The following FNDC5 variants were observed in gnomAD, a reference collection of about 807,000 sequenced individuals.
FNDC5 encodes the protein fibronectin type III domain-containing protein 5.
A neutral mutation model predicts 24.6 loss-of-function variants in FNDC5; 10 were observed. That is an observed-to-expected ratio of 0.41 (90% CI 0.25 to 0.69). The LOEUF (loss-of-function observed/expected upper bound fraction) is 0.69, where lower values mean the gene tolerates loss of function less well. FNDC5 is among the 30% of genes least tolerant of loss of function. The probability of loss-of-function intolerance (pLI) is 0.34; values close to 1 mark genes in which losing one functional copy is unlikely to be tolerated. For synonymous variants in FNDC5, 90 were observed against 110.7 expected, an observed-to-expected ratio of 0.81 and a Z score of 1.18; for missense variants, 226 against 282.9, an observed-to-expected ratio of 0.80 and a Z score of 1.44.
At position 32,863,742 on chromosome 1, in the gene FNDC5, G is replaced by A. The variant is rs936307372; in HGVS notation, c.*552C>T. Reference sequence around the variant, plus strand: ...CTTCTCCCTGCAGACAGGCAGTCACGCTTCAATGATGTTCACTGAGGGCTT... The same window carrying A: ...CTTCTCCCTGCAGACAGGCAGTCACACTTCAATGATGTTCACTGAGGGCTT... On this transcript the variant is annotated 3_prime_UTR_variant, in exon 6 of 6. Transcript: ENST00000373471. 3.9e-5 allele frequency: 51 copies of A among 1,304,396 alleles called. No homozygotes were observed. Among genetic ancestry groups the A allele is most frequent in the Non-Finnish European group, 4.1e-5 (41 of 989,018 alleles). 80.8% of individuals were successfully genotyped at this position (1,304,396 alleles called of 1,614,324 possible). A position where few individuals can be genotyped will look rare whatever the true frequency, so the allele number is the denominator to read the frequency against.
At chr1:32,869,436 G>A (rs1338429696) in intron 1 of FNDC5, among the ~76,000 whole-genome samples, 2 of 152,266 alleles carry the variant, frequency 1.3e-5, no homozygotes, top group Non-Finnish European at 2.9e-5. Context: ...GAGTGACCTT[G>A]CGCGAAGGAG....
chr1:32,870,684 C>T lies in FNDC5; in HGVS notation c.63G>A (p.Leu21=). 4.1e-6 allele frequency: 5 copies of T among 1,205,794 alleles called. No individual in the cohort carries two copies. The highest frequency in any genetic ancestry group is 5.1e-6 in the Non-Finnish European group (5 of 971,218). 74.7% of individuals were successfully genotyped at this position (1,205,794 alleles called of 1,614,324 possible). ...GCACCAGCGCGAAGCAGACGCAGCC[C>T]AGCCACAGGCGGAGCGCGGCGCGGG... Residue 21 remains leucine, a synonymous_variant, in exon 1 of 6, where the codon CTG becomes CTA. Transcript: ENST00000373471.
In FNDC5 at chr1:32,867,765, A is replaced by G; in HGVS notation, c.487T>C (p.Phe163Leu). Residue 163 changes from phenylalanine (F) to leucine (L), a missense_variant, in exon 4 of 6, where the codon TTC becomes CTC. Transcript: ENST00000373471. Reference sequence around the variant, plus strand: ...AGGCCAGACTCACCTGCCCACATGAACAGGACCACGACGATGATCAGCACC... The same window carrying G: ...AGGCCAGACTCACCTGCCCACATGAGCAGGACCACGACGATGATCAGCACC... 6.2e-7 allele frequency: 1 copy of G among 1,613,898 alleles called. No homozygotes were observed. The highest frequency in any genetic ancestry group is 2.2e-5 in the East Asian group (1 of 44,868).
rs1008495904 is a variant in FNDC5 at position 32,868,609 on chromosome 1, A to C, written c.211-221T>G. Among the ~76,000 whole-genome samples the C allele has an allele frequency of 6.6e-6, 1 of 152,158 alleles. No homozygotes were observed. Among genetic ancestry groups the C allele is most frequent in the African/African-American group, 2.4e-5 (1 of 41,440 alleles). On this transcript the variant is annotated intron_variant, in intron 2 of 5. Coordinates refer to ENST00000373471, the MANE Select transcript of FNDC5 (RefSeq NM_153756.3). This position sits in a 1 kb window ranked among gnomAD's most constrained non-coding sequence, Gnocchi z 4.8. ...AGCACTGGAGCTAGGTCCTAAATGC[A>C]GATGTCTCTGAGATCAAAACCTTAA...
At position 32,870,698 on chromosome 1, in the gene FNDC5, G is replaced by A; in HGVS notation, c.49C>T (p.Leu17Phe). 8.3e-7 allele frequency: 1 copy of A among 1,199,580 alleles called. No individual in the cohort carries two copies. Among genetic ancestry groups the A allele is most frequent in the Non-Finnish European group, 1.0e-6 (1 of 967,384 alleles). The allele number at this position is 1,199,580 out of a possible 1,614,324, so 74.3% of individuals were successfully genotyped here. A position where few individuals can be genotyped will look rare whatever the true frequency, so the allele number is the denominator to read the frequency against. The change falls in exon 1 of 6, where the codon CTC becomes TTC. Residue 17 changes from leucine to phenylalanine, a missense_variant. Transcript: ENST00000373471. The stretch of plus-strand genomic sequence containing the variant: ...CAGACGCAGCCCAGCCACAGGCGGA[G>A]CGCGGCGCGGGCGCGGGGCGGCCAG...
At chr1:32,867,447 G>A (rs1641091742) in intron 4 of FNDC5, among the ~76,000 whole-genome samples, 1 of 152,192 alleles carries the variant, frequency 6.6e-6, no homozygotes, top group East Asian at 1.9e-4. Context: ...CTGTGGCCAT[G>A]ACCAGAGGTA....
Position 32,867,784 on chromosome 1 carries a change from C to G in FNDC5, c.468G>C (p.Leu156=), listed in dbSNP as rs766452920. Residue 156 remains leucine (L), a synonymous_variant, in exon 4 of 6, where the codon CTG becomes CTC. Coordinates refer to ENST00000373471, the MANE Select transcript of FNDC5 (RefSeq NM_153756.3). Reference sequence around the variant, plus strand: ...ACATGAACAGGACCACGACGATGATCAGCACCTCGCCTGTCCGCAGCTGTT... The same window carrying G: ...ACATGAACAGGACCACGACGATGATGAGCACCTCGCCTGTCCGCAGCTGTT... 8.1e-6 allele frequency: 13 copies of G among 1,614,094 alleles called. No individual in the cohort carries two copies. The highest frequency in any genetic ancestry group is 1.1e-5 in the Non-Finnish European group (13 of 1,180,016).
chr1:32,870,515 G>A, intron 1 of FNDC5, 138 bp downstream of exon 1: 1 of 378,768 alleles, frequency 2.6e-6, no homozygotes, highest in Non-Finnish European at 4.2e-6. Flanking sequence ...GGAAGACGCT[G>A]GGGGCTGGGT....
chr1:32,870,536 G>T, intron 1 of FNDC5, 117 bp downstream of exon 1: 1 of 500,306 alleles, frequency 2.0e-6, no homozygotes, highest in Non-Finnish European at 2.8e-6. Context: ...TAGGGGAGCA[G>T]TGTTTGGGCC....
intron 4 of FNDC5, 54 bp from the exon 5 acceptor site, chr1:32,864,851 C>T (rs900653780): frequency 2.5e-6 from 4 of 1,602,944 alleles, no homozygotes; most frequent in African/African-American, 2.7e-5. Flanking sequence ...CCTGCCTCCC[C>T]TGCTTCTTTC....
In FNDC5 at chr1:32,863,378, CT is replaced by C; in HGVS notation, c.*915del. On this transcript the variant is annotated 3_prime_UTR_variant, in exon 6 of 6. Transcript: ENST00000373471. ...CAGCCCCACAGCTTCTCTGATGTTC[CT>C]TGGTCTGAAAGACACAGCTTGAGTC... The C allele has an allele frequency of 5.0e-6, 1 of 198,774 alleles. No individual in the cohort carries two copies. Among genetic ancestry groups the C allele is most frequent in the South Asian group, 9.8e-5 (1 of 10,210 alleles). The allele number at this position is 198,774 out of a possible 1,614,324, so 12.3% of individuals were successfully genotyped here.
At chr1:32,864,572 T>C in intron 5 of FNDC5, 92 bp downstream of exon 5, 1 of 1,589,602 alleles carries the variant, frequency 6.3e-7, no homozygotes, top group Non-Finnish European at 8.6e-7. Flanking sequence ...GCTGTCGCCA[T>C]GCCAGTCCCC....
Position 32,864,200 on chromosome 1 carries a change from G to A in FNDC5, c.*94C>T, listed in dbSNP as rs1641024152. On this transcript the variant is annotated 3_prime_UTR_variant, in exon 6 of 6. Coordinates refer to ENST00000373471, the MANE Select transcript of FNDC5 (RefSeq NM_153756.3). ...GGAAGAGATGTAGAGAGGGCCAGAT[G>A]TTTGTTGGATAATCATCATCAGAAC... 6.2e-7 allele frequency: 1 copy of A among 1,612,778 alleles called. No homozygotes were observed. Among genetic ancestry groups the A allele is most frequent in the South Asian group, 1.1e-5 (1 of 90,888 alleles).
chr1:32,870,599 T>C, intron 1 of FNDC5, 54 bp downstream of exon 1: 1 of 1,096,420 alleles, frequency 9.1e-7, no homozygotes, highest in Non-Finnish European at 1.1e-6. Flanking sequence ...CCCAGGTAGC[T>C]GGGCTCGAGA....
At chr1:32,869,342 A>T (rs1367494274) in intron 1 of FNDC5, among the ~76,000 whole-genome samples, 1 of 152,226 alleles carries the variant, frequency 6.6e-6, no homozygotes, top group Non-Finnish European at 1.5e-5. Flanking sequence ...ACATAGGTGG[A>T]CAGAAACTGA....
chr1:32,867,298 G>A (rs778500221), intron 4 of FNDC5, among the ~76,000 whole-genome samples: 4 of 152,086 alleles, frequency 2.6e-5, no homozygotes, highest in Non-Finnish European at 4.4e-5. Context: ...GAGTTTTCAC[G>A]GTGGCTGTCT....
chr1:32,862,340 C>G lies in FNDC5; in HGVS notation c.*1954G>C, dbSNP rs955192326. 2 of 152,646 alleles carry G rather than the reference C, an allele frequency of 1.3e-5. No homozygotes were observed. Among genetic ancestry groups the G allele is most frequent in the Admixed American group, 6.5e-5 (1 of 15,288 alleles). The allele number at this position is 152,646 out of a possible 1,614,324, so 9.5% of individuals were successfully genotyped here. A position where few individuals can be genotyped will look rare whatever the true frequency, so the allele number is the denominator to read the frequency against. On this transcript the variant is annotated 3_prime_UTR_variant, in exon 6 of 6. Coordinates refer to ENST00000373471, the MANE Select transcript of FNDC5 (RefSeq NM_153756.3). ...CTCTAAGTGGATCAGAGGTAAGGACCTCTCCCCTAAGGAGCCTTGGCCTTG... is the reference window on the plus strand; with the variant it reads ...CTCTAAGTGGATCAGAGGTAAGGACGTCTCCCCTAAGGAGCCTTGGCCTTG...
At chr1:32,869,554 C>T (rs962786850) in intron 1 of FNDC5, among the ~76,000 whole-genome samples, 12 of 152,136 alleles carry the variant, frequency 7.9e-5, no homozygotes, top group Middle Eastern at 3.2e-3. Context: ...ATAAAGCCTG[C>T]GGAAGAGTCT....
chr1:32,868,400 C>T lies in FNDC5; in HGVS notation c.211-12G>A, dbSNP rs760769158. 6.8e-6 allele frequency: 11 copies of T among 1,611,230 alleles called. No individual in the cohort carries two copies. Among genetic ancestry groups the T allele is most frequent in the South Asian group, 3.3e-5 (3 of 90,904 alleles). On this transcript the variant is annotated splice_polypyrimidine_tract_variant and intron_variant, in intron 2 of 5. Transcript: ENST00000373471. This position sits in a 1 kb window ranked among gnomAD's most constrained non-coding sequence, Gnocchi z 4.8. ...CGCACATCCTTCTTCTGCAGACAAG[C>T]GCCGGTCACTGCTGTCAACACTCGG... is the stretch of plus-strand genomic sequence containing the variant.
Sources: gnomAD v4.1 joint callset for allele counts (sites outside exome capture counted in the v4.1 genomes callset) on GRCh38, gnomAD v4.1.1 for gene constraint, Gnocchi (gnomAD v3.1) non-coding constraint, MANE v1.5 for transcripts, NCBI Gene and HGNC (gene_info 2026-07-23, HGNC 2026-07-21) for gene names.